The following NLGN1 variants were observed in gnomAD, a reference collection of about 807,000 sequenced individuals.
The protein encoded by NLGN1 is neuroligin-1.
Under a neutral mutation model 65.5 loss-of-function variants are expected in NLGN1, and 12 were observed. The ratio of observed to expected loss-of-function variants is 0.18; its 90% CI spans 0.12 to 0.30. The LOEUF is 0.30. NLGN1 is among the 10% of genes least tolerant of loss of function. The pLI is 1.00. For synonymous variants in NLGN1, 350 were observed against 359.5 expected (o/e 0.97, Z 0.30); for missense variants, 750 against 1,007.1 (o/e 0.74, Z 3.46).
At chr3:173,504,644 C>A (rs192069737) in intron 2 of NLGN1, among the ~76,000 whole-genome samples, 102 of 152,162 alleles carry the variant, frequency 6.7e-4, no homozygotes, top group African/African-American at 2.3e-3. Flanking sequence ...GTCCTCTTTT[C>A]TCTTTCACCC....
At chr3:173,411,032 T>C (rs1712433113) in intron 1 of NLGN1, among the ~76,000 whole-genome samples, 1 of 152,230 alleles carries the variant, frequency 6.6e-6, no homozygotes, top group Non-Finnish European at 1.5e-5. Flanking sequence ...TGGCATAGGC[T>C]ACATATGGTC....
At chr3:174,277,143 A>AACTT (rs1750732850) in intron 5 of NLGN1, among the ~76,000 whole-genome samples, 1 of 151,908 alleles carries the variant, frequency 6.6e-6, no homozygotes, top group Non-Finnish European at 1.5e-5. Context: ...AAAAGACATC[A>AACTT]ACTTAGGTTT....
intron 4 of NLGN1, among the ~76,000 whole-genome samples, chr3:173,822,810 C>T (rs1240738607): frequency 2.0e-5 from 3 of 151,946 alleles, no homozygotes; most frequent in African/African-American, 4.8e-5. Context: ...TAAAATGATA[C>T]CATATAATTA....
At chr3:174,162,670 A>G (rs552979897) in intron 4 of NLGN1, among the ~76,000 whole-genome samples, 1 of 151,598 alleles carries the variant, frequency 6.6e-6, no homozygotes, top group African/African-American at 2.4e-5. Context: ...GAGAATGACT[A>G]TGGATCCTAA....
chr3:173,734,639 G>A (rs187609273), intron 3 of NLGN1, among the ~76,000 whole-genome samples: 5 of 151,896 alleles, frequency 3.3e-5, no homozygotes, highest in African/African-American at 1.2e-4. Context: ...CTGGCCTCAA[G>A]CAAATCCTCC....
chr3:173,533,389 A>G (rs970998729), intron 2 of NLGN1, among the ~76,000 whole-genome samples: 1 of 152,224 alleles, frequency 6.6e-6, no homozygotes, highest in Non-Finnish European at 1.5e-5. Flanking sequence ...ACACTGTTAT[A>G]AGCTGTAATG....
intron 4 of NLGN1, among the ~76,000 whole-genome samples, chr3:174,251,063 C>T (rs2152842519): frequency 6.6e-6 from 1 of 151,820 alleles, no homozygotes; most frequent in East Asian, 1.9e-4. Context: ...AATCCATCTT[C>T]CATCACAGCA....
intron 4 of NLGN1, among the ~76,000 whole-genome samples, chr3:174,076,661 C>T (rs544127016): frequency 6.9e-6 from 1 of 144,372 alleles, no homozygotes; most frequent in African/African-American, 2.6e-5. Context: ...CTAATAGTTC[C>T]TTTCTCCTCT....
intron 2 of NLGN1, among the ~76,000 whole-genome samples, chr3:173,596,448 G>A (rs1471066621): frequency 6.6e-6 from 1 of 152,130 alleles, no homozygotes; most frequent in Non-Finnish European, 1.5e-5. Context: ...TCCATAAAAT[G>A]TGCTCTTGTT....
chr3:173,925,600 G>A (rs1272797090), intron 4 of NLGN1, among the ~76,000 whole-genome samples: 1 of 152,124 alleles, frequency 6.6e-6, no homozygotes, highest in Non-Finnish European at 1.5e-5. Flanking sequence ...TCCAATTGCT[G>A]GGTGTGGAAC....
intron 3 of NLGN1, among the ~76,000 whole-genome samples, chr3:173,764,483 T>G (rs557511225): frequency 6.6e-6 from 1 of 152,274 alleles, no homozygotes; most frequent in East Asian, 1.9e-4. Context: ...TATCTGAAGG[T>G]CTGCCATGTG....
intron 3 of NLGN1, among the ~76,000 whole-genome samples, chr3:173,655,853 G>A (rs1251438706): frequency 6.6e-6 from 1 of 152,018 alleles, no homozygotes; most frequent in African/African-American, 2.4e-5. Flanking sequence ...TGGTGTCCAG[G>A]TTCTTGGCAA....
At chr3:173,611,309 G>T (rs1752252389) in intron 3 of NLGN1, among the ~76,000 whole-genome samples, 1 of 152,014 alleles carries the variant, frequency 6.6e-6, no homozygotes. Flanking sequence ...GAGGAACAAA[G>T]AAGTTAAATT....
At chr3:174,016,752 C>G (rs956915932) in intron 4 of NLGN1, among the ~76,000 whole-genome samples, 1 of 152,078 alleles carries the variant, frequency 6.6e-6, no homozygotes, top group Non-Finnish European at 1.5e-5. Context: ...CAAAGAATAT[C>G]TTAATTGCGG....
intron 3 of NLGN1, among the ~76,000 whole-genome samples, chr3:173,672,128 C>T (rs903065266): frequency 2.6e-5 from 4 of 152,126 alleles, no homozygotes; most frequent in South Asian, 4.1e-4. Flanking sequence ...GAGTCAAGAT[C>T]GCGCCACTGC....
At chr3:173,674,214 A>T (rs1463084263) in intron 3 of NLGN1, among the ~76,000 whole-genome samples, 1 of 152,186 alleles carries the variant, frequency 6.6e-6, no homozygotes, top group Non-Finnish European at 1.5e-5. Context: ...ACAAAATTGT[A>T]GACTTTTGAC....
rs142588069 is a variant in NLGN1, at chr3:174,100,150, C to T, written c.647-175165C>T. ...AAATATTTCAGAGTTTGACTCGAAA[C>T]GAAAACTCAAAATGTAATCTTGTGC... On this transcript the variant is annotated intron_variant, in intron 4 of 6. Transcript: ENST00000457714. Among the ~76,000 whole-genome samples the T allele has an allele frequency of 1.8e-3, 271 of 152,010 alleles. 1 individual carries two copies. Among genetic ancestry groups the T allele is most frequent in the Non-Finnish European group, 1.9e-3 (131 of 67,962 alleles).
chr3:173,823,783 C>A (rs993449326), intron 4 of NLGN1, among the ~76,000 whole-genome samples: 1 of 151,742 alleles, frequency 6.6e-6, no homozygotes, highest in African/African-American at 2.4e-5. Context: ...ATATTTGCAA[C>A]AAGAACCCTC....
At chr3:173,535,547 A>G (rs1236705839) in intron 2 of NLGN1, among the ~76,000 whole-genome samples, 1 of 152,174 alleles carries the variant, frequency 6.6e-6, no homozygotes, top group East Asian at 1.9e-4. Flanking sequence ...CCTTAGTAAT[A>G]TGTAAAAAAG....
Sources: allele counts gnomAD v4.1 joint callset (sites outside exome capture counted in the v4.1 genomes callset), GRCh38; gene constraint gnomAD v4.1.1; transcripts MANE v1.5; gene names NCBI Gene and HGNC (gene_info 2026-07-23, HGNC 2026-07-21).